CNTN5: variants seen among roughly 807,000 people sequenced by gnomAD.
CNTN5 encodes contactin 5.
In CNTN5, 77 loss-of-function variants were observed where a neutral mutation model predicts 129.1. The observed-to-expected ratio is 0.60, with a 90% confidence interval of 0.50 to 0.72. CNTN5 has a LOEUF of 0.72. Among genes scored for constraint, CNTN5 ranks in the 30% least tolerant of loss-of-function variants. The pLI is 0.00. For missense variants in CNTN5, 1,478 were observed against 1,328.8 expected, an observed-to-expected ratio of 1.11 and a Z score of -1.75; for synonymous variants, 509 against 465.6, an observed-to-expected ratio of 1.09 and a Z score of -1.20.
At chr11:100,092,379 A>G (rs1258557582) in intron 13 of CNTN5, among the ~76,000 whole-genome samples, 1 of 152,112 alleles carries the variant, frequency 6.6e-6, no homozygotes, top group Admixed American at 6.6e-5. Context: ...AATATTCAGA[A>G]AAGCAGTCTT....
chr11:99,261,711 C>G (rs891980834), intron 1 of CNTN5, among the ~76,000 whole-genome samples: 5 of 151,896 alleles, frequency 3.3e-5, no homozygotes, highest in Non-Finnish European at 7.4e-5. Context: ...TCATAATTAC[C>G]CTCTTTGAAG....
chr11:99,223,908 C>A (rs1208409888), intron 1 of CNTN5, among the ~76,000 whole-genome samples: 1 of 152,182 alleles, frequency 6.6e-6, no homozygotes, highest in Non-Finnish European at 1.5e-5. Context: ...ATTTCCAGTT[C>A]CCTTAACCAT....
At chr11:99,518,406 C>A (rs2466914) in intron 2 of CNTN5, among the ~76,000 whole-genome samples, 136,506 of 152,080 alleles carry the variant, frequency 0.9, 61,692 homozygotes, top group East Asian at 0.99. Context: ...ATACAGTAGA[C>A]CCACAAATTT....
At chr11:99,215,476 G>A (rs1860068269) in intron 1 of CNTN5, among the ~76,000 whole-genome samples, 1 of 152,102 alleles carries the variant, frequency 6.6e-6, no homozygotes, top group Admixed American at 6.6e-5. Flanking sequence ...ATTTGGAAGA[G>A]GCTAAAAGGA....
At chr11:100,288,284 C>T (rs886466063) in intron 18 of CNTN5, among the ~76,000 whole-genome samples, 1,341 of 131,018 alleles carry the variant, frequency 0.01, 27 homozygotes, top group African/African-American at 0.042. Flanking sequence ...GAACTCTCCA[C>T]CCCAAATCAA....
intron 3 of CNTN5, among the ~76,000 whole-genome samples, chr11:99,680,067 A>G (rs1429125070): frequency 6.6e-6 from 1 of 152,152 alleles, no homozygotes; most frequent in Non-Finnish European, 1.5e-5. Context: ...ACCTAGCAAA[A>G]GTTGATTCAT....
At chr11:99,078,347 A>G (rs923271161) in intron 1 of CNTN5, among the ~76,000 whole-genome samples, 6 of 152,208 alleles carry the variant, frequency 3.9e-5, no homozygotes, top group African/African-American at 1.2e-4. Context: ...AAATGTGTAC[A>G]GGTACTATGG....
intron 2 of CNTN5, among the ~76,000 whole-genome samples, chr11:99,394,419 C>G (rs189355586): frequency 2.0e-5 from 3 of 151,626 alleles, no homozygotes; most frequent in East Asian, 1.9e-4. Context: ...AAAATAAACA[C>G]TAGCTTAAAA....
At chr11:99,677,959 C>T (rs954892159) in intron 3 of CNTN5, among the ~76,000 whole-genome samples, 6 of 152,142 alleles carry the variant, frequency 3.9e-5, no homozygotes, top group East Asian at 1.9e-4. Context: ...TTGGTACTCT[C>T]GAAAAAATCA....
intron 13 of CNTN5, among the ~76,000 whole-genome samples, chr11:100,086,658 T>A (rs1051702404): frequency 1.2e-4 from 18 of 151,212 alleles, no homozygotes; most frequent in Admixed American, 2.0e-4. Context: ...GAAATAAAAA[T>A]TCAGCAATTA....
chr11:99,542,788 C>T (rs557942271), intron 2 of CNTN5, among the ~76,000 whole-genome samples: 59 of 152,346 alleles, frequency 3.9e-4, no homozygotes, highest in African/African-American at 1.3e-3. Flanking sequence ...TGTACCACCA[C>T]CCTGCTCAGT....
At chr11:100,187,140 T>C (rs1295275225) in intron 13 of CNTN5, among the ~76,000 whole-genome samples, 2 of 152,290 alleles carry the variant, frequency 1.3e-5, no homozygotes, top group East Asian at 3.9e-4. Context: ...CCTAGGTATT[T>C]TAATTTTTTT....
At chr11:99,396,698 G>A (rs183427460) in intron 2 of CNTN5, among the ~76,000 whole-genome samples, 1 of 151,636 alleles carries the variant, frequency 6.6e-6, no homozygotes, top group East Asian at 1.9e-4. Context: ...GTATTTAGCG[G>A]TACTATAGAA....
At chr11:99,276,307 C>T (rs1197718286) in intron 1 of CNTN5, among the ~76,000 whole-genome samples, 3 of 151,470 alleles carry the variant, frequency 2.0e-5, no homozygotes, top group African/African-American at 7.3e-5. Flanking sequence ...TTTTGATTCC[C>T]CAAGTCATGA....
intron 1 of CNTN5, among the ~76,000 whole-genome samples, chr11:99,185,320 TTGAG>T (rs1252781640): frequency 6.6e-6 from 1 of 151,834 alleles, no homozygotes. Context: ...CAAATATTTA[TTGAG>T]TATCTATAGT....
intron 13 of CNTN5, among the ~76,000 whole-genome samples, chr11:100,108,933 A>G (rs921330114): frequency 6.6e-6 from 1 of 152,084 alleles, no homozygotes; most frequent in Non-Finnish European, 1.5e-5. Context: ...TATCGTCTTG[A>G]GAGCTGGCTC....
At chr11:99,596,837 A>T (rs568701241) in intron 3 of CNTN5, among the ~76,000 whole-genome samples, 2 of 152,296 alleles carry the variant, frequency 1.3e-5, no homozygotes, top group African/African-American at 4.8e-5. Context: ...TTATAAATAG[A>T]CAATAATAAT....
chr11:100,334,104 C>T (rs1273154009), intron 21 of CNTN5, among the ~76,000 whole-genome samples: 1 of 151,972 alleles, frequency 6.6e-6, no homozygotes, highest in Non-Finnish European at 1.5e-5. Flanking sequence ...ACGATCCCAT[C>T]AAAAAGTGGG....
chr11:99,697,099 A>C (rs1174067078), intron 3 of CNTN5, among the ~76,000 whole-genome samples: 1 of 151,984 alleles, frequency 6.6e-6, no homozygotes, highest in Non-Finnish European at 1.5e-5. Context: ...CCAAAGTATA[A>C]AATAAATGTC....
Sources: allele counts gnomAD v4.1 joint callset (sites outside exome capture counted in the v4.1 genomes callset), GRCh38; gene constraint gnomAD v4.1.1; transcripts MANE v1.5; gene names NCBI Gene and HGNC (gene_info 2026-07-23, HGNC 2026-07-21).